Variants in SMAD3 observed in about 807,000 individuals in gnomAD.
SMAD3 encodes the protein MAD homolog 3.
Under a neutral mutation model 51.8 loss-of-function variants are expected in SMAD3, and 12 were observed. The observed-to-expected ratio is 0.23, with a 90% CI of 0.15 to 0.38. SMAD3 has a LOEUF of 0.38. SMAD3 is among the 10% of genes least tolerant of loss of function. The pLI is 1.00. For missense variants in SMAD3, 294 were observed against 565.6 expected (o/e 0.52, Z 4.87); for synonymous variants, 238 against 227.7 (o/e 1.05, Z -0.41).
chr15:67,119,871 A>G (rs1317014080), intron 1 of SMAD3, among the ~76,000 whole-genome samples: 2 of 152,082 alleles, frequency 1.3e-5, no homozygotes, highest in African/African-American at 4.8e-5. Context: ...ATCACAGCTC[A>G]CTGCAGCCTT....
intron 6 of SMAD3, among the ~76,000 whole-genome samples, chr15:67,183,051 T>TTG: frequency 4.6e-5 from 4 of 86,838 alleles, no homozygotes; most frequent in Non-Finnish European, 9.2e-5. Flanking sequence ...TTTTTTTTTT[T>TTG]GGAGCGGGGA....
intron 1 of SMAD3, among the ~76,000 whole-genome samples, chr15:67,128,822 A>T (rs575327911): frequency 5.3e-4 from 80 of 152,058 alleles, no homozygotes; most frequent in African/African-American, 1.9e-3. Flanking sequence ...CGATCCTCCC[A>T]CCTCTGCCTC....
chr15:67,160,759 A>G (rs1962405461), intron 1 of SMAD3, among the ~76,000 whole-genome samples: 1 of 111,938 alleles, frequency 8.9e-6, no homozygotes. Flanking sequence ...CGACAGAGCG[A>G]GACTCCATCT....
rs994097523 is a variant in SMAD3 at position 67,065,829 on chromosome 15, C to G, written c.-326C>G. The G allele has an allele frequency of 2.8e-5, 6 of 213,060 alleles. No homozygotes were observed. The highest frequency in any genetic ancestry group is 1.4e-4 in the African/African-American group (6 of 44,036). 13.2% of individuals were successfully genotyped at this position (213,060 alleles called of 1,614,324 possible). On this transcript the variant is annotated 5_prime_UTR_variant, in exon 1 of 9. Coordinates refer to ENST00000327367, the MANE Select transcript of SMAD3 (RefSeq NM_005902.4). ...CCAAACAGCTACCCCGTGCGGAAAC[C>G]CAAACTTCTGCTGCCACTTGGAGTC...
At chr15:67,106,652 A>C (rs772588775) in intron 1 of SMAD3, among the ~76,000 whole-genome samples, 1 of 152,054 alleles carries the variant, frequency 6.6e-6, no homozygotes, top group Non-Finnish European at 1.5e-5. Flanking sequence ...CTCAGTAACT[A>C]TTTACAGGCG....
At chr15:67,138,150 C>T (rs909698456) in intron 1 of SMAD3, 1 of 1,375,528 alleles carries the variant, frequency 7.3e-7, no homozygotes, top group African/African-American at 1.4e-5. Context: ...GAACTCGTCT[C>T]CCCACCCGTC....
At chr15:67,078,641 T>C (rs1352669234) in intron 1 of SMAD3, among the ~76,000 whole-genome samples, 4 of 152,170 alleles carry the variant, frequency 2.6e-5, no homozygotes, top group African/African-American at 9.7e-5. Context: ...GTTGCTGGGT[T>C]TTTAAAAGAT....
At chr15:67,135,549 G>GTT (rs72219900) in intron 1 of SMAD3, among the ~76,000 whole-genome samples, 11 of 150,758 alleles carry the variant, frequency 7.3e-5, no homozygotes, top group Admixed American at 1.3e-4. Context: ...CCACTTAATT[G>GTT]TTTTTTTTTA....
intron 5 of SMAD3, among the ~76,000 whole-genome samples, chr15:67,180,064 C>G (rs1335762717): frequency 6.6e-6 from 1 of 152,150 alleles, no homozygotes; most frequent in Non-Finnish European, 1.5e-5. Flanking sequence ...AGGGGACTCC[C>G]TAATTCTTCA....
chr15:67,137,865 T>G (rs868379552), intron 1 of SMAD3: 11 of 592,734 alleles, frequency 1.9e-5, no homozygotes, highest in Middle Eastern at 3.2e-4. Flanking sequence ...TGCAAAGTAC[T>G]GTCCTCCCTT....
intron 1 of SMAD3, among the ~76,000 whole-genome samples, chr15:67,087,038 G>A (rs901962190): frequency 1.3e-5 from 2 of 152,066 alleles, no homozygotes; most frequent in African/African-American, 4.8e-5. Context: ...TGGTATTACA[G>A]GCGCCTGCCA....
rs1037631991 is a variant in SMAD3, at chr15:67,194,608, A to C, written c.*4072A>C. The C allele has an allele frequency of 5.6e-5, 13 of 231,692 alleles. No homozygotes were observed. The highest frequency in any genetic ancestry group is 2.9e-4 in the African/African-American group (13 of 45,228). 14.4% of individuals were successfully genotyped at this position (231,692 alleles called of 1,614,324 possible). A position where few individuals can be genotyped will look rare whatever the true frequency, so the allele number is the denominator to read the frequency against. On this transcript the variant is annotated 3_prime_UTR_variant, in exon 9 of 9. Coordinates refer to ENST00000327367, the MANE Select transcript of SMAD3 (RefSeq NM_005902.4). ...GATAACTATTTAATTTTTTTTAAGA[A>C]AGTTGGAAAGGTCTCTCCTCCCAAG...
In SMAD3 at chr15:67,194,384, A is replaced by G. The variant is rs1963447832; in HGVS notation, c.*3848A>G. The stretch of plus-strand genomic sequence containing the variant: ...ATGAAGCATCTCCCATGGGGAGGTG[A>G]TGGTGGGGAGATGATGGGCTAAACA... On this transcript the variant is annotated 3_prime_UTR_variant, in exon 9 of 9. Coordinates refer to ENST00000327367, the MANE Select transcript of SMAD3 (RefSeq NM_005902.4). The G allele has an allele frequency of 4.3e-6, 1 of 233,218 alleles. No individual in the cohort carries two copies. Among genetic ancestry groups the G allele is most frequent in the Admixed American group, 5.6e-5 (1 of 17,768 alleles). The allele number at this position is 233,218 out of a possible 1,614,324, so 14.4% of individuals were successfully genotyped here.
At chr15:67,110,747 A>T (rs1166060874) in intron 1 of SMAD3, among the ~76,000 whole-genome samples, 1 of 152,250 alleles carries the variant, frequency 6.6e-6, no homozygotes, top group South Asian at 2.1e-4. Context: ...ATTACATAAT[A>T]GTTAGCTCTG....
intron 1 of SMAD3, among the ~76,000 whole-genome samples, chr15:67,117,187 A>T (rs768268473): frequency 6.6e-6 from 1 of 152,124 alleles, no homozygotes; most frequent in Non-Finnish European, 1.5e-5. Context: ...TCCTTTTTGA[A>T]TGCACAGCAT....
At chr15:67,185,006 C>T (rs571001715) in intron 7 of SMAD3, 142 bp downstream of exon 7, 62 of 1,099,726 alleles carry the variant, frequency 5.6e-5, no homozygotes, top group Non-Finnish European at 7.8e-5. Flanking sequence ...ATTAGGTTTT[C>T]TCTATGCCCA....
At chr15:67,117,634 A>G (rs1174191967) in intron 1 of SMAD3, among the ~76,000 whole-genome samples, 1 of 152,176 alleles carries the variant, frequency 6.6e-6, no homozygotes, top group Non-Finnish European at 1.5e-5. Context: ...CTCTTGTGAA[A>G]GAGATGTGGT....
Position 67,065,667 on chromosome 15 carries a change from G to T in SMAD3, c.-488G>T, listed in dbSNP as rs1326530653. 6.6e-6 allele frequency among the ~76,000 whole-genome samples: 1 copy of T among 151,460 alleles called. No homozygotes were observed. The highest frequency in any genetic ancestry group is 2.4e-5 in the African/African-American group (1 of 41,306). ...CACGCCCCGGGCCGGCCCAGCCAGC[G>T]AGCGAGCGAGCGGCGAGCCGGGAGG... On this transcript the variant is annotated 5_prime_UTR_variant, in exon 1 of 9. Transcript: ENST00000327367.
chr15:67,172,289 CCT>C (rs2140303097), intron 5 of SMAD3, among the ~76,000 whole-genome samples: 1 of 152,382 alleles, frequency 6.6e-6, no homozygotes, highest in Non-Finnish European at 1.5e-5. Flanking sequence ...CCTCCCCGAG[CCT>C]GGCCAGCAGA....
Sources: gnomAD v4.1 joint callset for allele counts (sites outside exome capture counted in the v4.1 genomes callset) on GRCh38, gnomAD v4.1.1 for gene constraint, MANE v1.5 for transcripts, NCBI Gene and HGNC (gene_info 2026-07-23, HGNC 2026-07-21) for gene names.